Variants in SIN3A observed in about 807,000 individuals in gnomAD.
The protein encoded by SIN3A is SIN3 transcription regulator family member A.
Under a neutral mutation model 146.1 loss-of-function variants are expected in SIN3A, and 14 were observed. The ratio of observed to expected loss-of-function variants is 0.10; its 90% CI spans 0.06 to 0.15. The LOEUF (loss-of-function observed/expected upper bound fraction) is 0.15. Among genes scored for constraint, SIN3A ranks in the 10% least tolerant of loss-of-function variants. The pLI is 1.00. For synonymous variants in SIN3A, 572 were observed against 572.0 expected (o/e 1.00, Z 0.00); for missense variants, 1,028 against 1,576.0 (o/e 0.65, Z 5.89).
intron 3 of SIN3A, chr15:75,421,561 C>A (rs947419455): frequency 2.0e-5 from 3 of 152,160 alleles, no homozygotes; most frequent in African/African-American, 7.2e-5. Context: ...GGGCAGGGAT[C>A]AAGAAGAACT....
chr15:75,441,458 T>C (rs566745742), intron 1 of SIN3A, among the ~76,000 whole-genome samples: 3 of 152,092 alleles, frequency 2.0e-5, no homozygotes, highest in East Asian at 1.9e-4. Context: ...GAGTGGCTAA[T>C]AAGAAAAAAA....
chr15:75,381,777 G>C (rs2072976712), intron 17 of SIN3A, 72 bp from the exon 18 acceptor site: 6 of 1,228,766 alleles, frequency 4.9e-6, no homozygotes, highest in African/African-American at 3.0e-5. Context: ...CAAGGAATGA[G>C]AGGTGCAGAG....
chr15:75,449,296 T>C (rs2074360062), intron 1 of SIN3A, among the ~76,000 whole-genome samples: 1 of 152,234 alleles, frequency 6.6e-6, no homozygotes, highest in African/African-American at 2.4e-5. Context: ...CACCTACCCT[T>C]TTCACATAAA....
intron 2 of SIN3A, 142 bp downstream of exon 2, chr15:75,430,045 G>A (rs2073988854): frequency 3.1e-6 from 2 of 652,416 alleles, no homozygotes; most frequent in Non-Finnish European, 5.2e-6. Flanking sequence ...CTTGTATGGT[G>A]AGTACACAGT....
Position 75,375,746 on chromosome 15 carries a change from C to A in SIN3A, c.3510G>T (p.Lys1170Asn). ...DSLDKLECRF[K>N]LNSYKMVYVI... The stretch of plus-strand genomic sequence containing the variant: ...CATACACCATCTTGTAGGAATTCAG[C>A]TTGAATCTACACTCCAGCTTATCCA... The change falls in exon 20 of 21, where the codon AAG becomes AAT. Residue 1170 changes from lysine (K) to asparagine (N), a missense_variant. Physicochemically the swap from Lys to Asn is moderately conservative, Grantham distance 94 (BLOSUM62 0). This residue lies in a region of SIN3A where 488 missense variants were observed against 690.2 expected (regional missense o/e 0.71). Coordinates refer to ENST00000394947, the MANE Select transcript of SIN3A (RefSeq NM_001145358.2). 6.2e-7 allele frequency: 1 copy of A among 1,614,140 alleles called. No individual in the cohort carries two copies. The highest frequency in any genetic ancestry group is 8.5e-7 in the Non-Finnish European group (1 of 1,180,002).
Position 75,422,673 on chromosome 15 carries a change from C to T in SIN3A, c.340G>A (p.Gly114Arg). Residue 114 changes from glycine (G) to arginine (R), a missense_variant, in exon 3 of 21, where the codon GGA (glycine) becomes AGA (arginine). Gly to Arg is a moderately radical substitution (Grantham distance 125). This residue lies in a region of SIN3A where 152 missense variants were observed against 231.5 expected (regional missense o/e 0.66). Transcript: ENST00000394947. ...HPAPPVAPVQ[G>R]QQQFQRLKVE... Reference sequence around the variant, plus strand: ...TTCAGCCTCTGAAATTGCTGCTGTCCCTGCACTGGTGCAACTGGTGGGGCT... The same window carrying T: ...TTCAGCCTCTGAAATTGCTGCTGTCTCTGCACTGGTGCAACTGGTGGGGCT... 1 of 1,614,172 alleles carries T rather than the reference C, an allele frequency of 6.2e-7. No homozygotes were observed. The highest frequency in any genetic ancestry group is 8.5e-7 in the Non-Finnish European group (1 of 1,180,040).
chr15:75,454,066 G>A (rs919600408), upstream of SIN3A: 2 of 152,180 alleles, frequency 1.3e-5, no homozygotes, highest in Admixed American at 6.5e-5. Context: ...AGCTCTCTCC[G>A]CCGGAGGAGG....
intron 1 of SIN3A, among the ~76,000 whole-genome samples, chr15:75,442,718 T>C (rs1410733034): frequency 1.3e-5 from 2 of 150,676 alleles, no homozygotes; most frequent in Non-Finnish European, 2.9e-5. Context: ...TCACCTGAGG[T>C]TGGGAGTTCA....
chr15:75,375,255 T>G (rs1241922737), intron 20 of SIN3A, among the ~76,000 whole-genome samples: 4 of 152,092 alleles, frequency 2.6e-5, no homozygotes, highest in Non-Finnish European at 4.4e-5. Flanking sequence ...TAGCCCCCAG[T>G]ACTTCCGAAT....
intron 3 of SIN3A, among the ~76,000 whole-genome samples, chr15:75,419,047 G>A (rs1320753496): frequency 6.6e-6 from 1 of 151,940 alleles, no homozygotes; most frequent in Non-Finnish European, 1.5e-5. Flanking sequence ...GTGAGCCACC[G>A]CACCCGGCCC....
chr15:75,434,902 C>A (rs965321414), intron 1 of SIN3A, among the ~76,000 whole-genome samples: 1 of 151,218 alleles, frequency 6.6e-6, no homozygotes, highest in African/African-American at 2.4e-5. Flanking sequence ...GAGCCGAGAT[C>A]GCGCCACTGC....
Position 75,382,518 on chromosome 15 carries a change from T to C in SIN3A, c.3196-813A>G, listed in dbSNP as rs556768294. ...ACTATTTGCTTTTATAATTATCCAT[T>C]ATAATGGTGAAAAATTGGAAACAAC... is the stretch of plus-strand genomic sequence containing the variant. On this transcript the variant is annotated intron_variant, in intron 17 of 20. Coordinates refer to ENST00000394947, the MANE Select transcript of SIN3A (RefSeq NM_001145358.2). 1.1e-4 allele frequency among the ~76,000 whole-genome samples: 16 copies of C among 152,318 alleles called. No individual in the cohort carries two copies. The South Asian group carries it at 3.1e-3, about 30-fold the overall frequency.
chr15:75,392,860 C>T (rs765047873), intron 14 of SIN3A, 45 bp from the exon 15 acceptor site: 84 of 1,358,528 alleles, frequency 6.2e-5, no homozygotes, highest in Admixed American at 5.7e-4. Context: ...ATGTCTACAG[C>T]GACAACATGT....
intron 10 of SIN3A, 51 bp downstream of exon 10, chr15:75,401,801 T>A (rs1056519705): frequency 1.0e-5 from 11 of 1,070,348 alleles, no homozygotes; most frequent in Non-Finnish European, 1.4e-5. Context: ...AAATCAAACA[T>A]TACCTGGTCT....
chr15:75,378,523 C>T (rs112368857), intron 19 of SIN3A, among the ~76,000 whole-genome samples: 99 of 152,280 alleles, frequency 6.5e-4, no homozygotes, highest in Non-Finnish European at 1.1e-3. Flanking sequence ...GAGATCACAC[C>T]ATTGCACTCC....
chr15:75,392,502 G>A lies in SIN3A; in HGVS notation c.2591C>T (p.Ser864Phe). The A allele has an allele frequency of 6.2e-7, 1 of 1,614,116 alleles. No individual in the cohort carries two copies. Among genetic ancestry groups the A allele is most frequent in the South Asian group, 1.1e-5 (1 of 91,074 alleles). ...HNGVGGSPPK[S>F]KLLFSNTAAQ... The stretch of plus-strand genomic sequence containing the variant: ...TGCTGTGTTACTAAACAGTAACTTG[G>A]ACTTAGGGGGACTGCCCCCAACACC... The change falls in exon 15 of 21, where the codon TCC becomes TTC. Residue 864 changes from serine to phenylalanine, a missense_variant. By Grantham distance (155) the Ser-to-Phe change is radical (BLOSUM62 -2). Around this residue, in one of 9 missense-constraint regions of SIN3A, gnomAD observed 488 missense variants for 690.2 expected, o/e 0.71. Transcript: ENST00000394947.
intron 4 of SIN3A, 152 bp from the exon 5 acceptor site, chr15:75,413,197 T>C (rs1468767067): frequency 7.6e-6 from 5 of 659,220 alleles, no homozygotes; most frequent in East Asian, 3.3e-5. Flanking sequence ...CTTGGCTCAC[T>C]GCAACCTCCA....
intron 19 of SIN3A, chr15:75,376,107 A>T: frequency 3.5e-6 from 2 of 570,076 alleles, no homozygotes; most frequent in Non-Finnish European, 6.3e-6. Context: ...GTAGCCAGTT[A>T]AGAGTTTTAA....
intron 1 of SIN3A, among the ~76,000 whole-genome samples, chr15:75,450,866 G>A (rs1179996378): frequency 6.6e-6 from 1 of 152,202 alleles, no homozygotes; most frequent in Admixed American, 6.5e-5. Flanking sequence ...CGGAAACCCG[G>A]GGCCTGGGCG....
Sources: allele counts gnomAD v4.1 joint callset (sites outside exome capture counted in the v4.1 genomes callset), GRCh38; gene constraint gnomAD v4.1.1; regional missense constraint gnomAD v4.1.1; transcripts MANE v1.5; gene names NCBI Gene and HGNC (gene_info 2026-07-23, HGNC 2026-07-21).